TMEM131L: variants seen among roughly 807,000 people sequenced by gnomAD.
The protein encoded by TMEM131L is transmembrane protein 131-like.
TMEM131L carries 54 observed loss-of-function variants against 192.2 expected under a neutral mutation model. The observed-to-expected ratio is 0.28, with a 90% CI of 0.23 to 0.35. The LOEUF is 0.35. Among genes scored for constraint, TMEM131L ranks in the 10% least tolerant of loss-of-function variants. The pLI is 1.00. For synonymous variants in TMEM131L, 701 were observed against 704.9 expected, an observed-to-expected ratio of 0.99 and a Z score of 0.09; for missense variants, 1,888 against 1,972.9, an observed-to-expected ratio of 0.96 and a Z score of 0.82.
intron 18 of TMEM131L, 74 bp downstream of exon 18, chr4:153,592,658 C>G (rs1731158431): frequency 2.0e-6 from 2 of 1,006,602 alleles, no homozygotes; most frequent in African/African-American, 1.6e-5. Context: ...ATGTCCTACA[C>G]TTTTTCAACC....
intron 31 of TMEM131L, among the ~76,000 whole-genome samples, chr4:153,628,253 G>C (rs913200371): frequency 6.6e-6 from 1 of 152,238 alleles, no homozygotes; most frequent in Non-Finnish European, 1.5e-5. Flanking sequence ...TAGGTGCATG[G>C]AAGTAGGAAT....
intron 3 of TMEM131L, among the ~76,000 whole-genome samples, chr4:153,515,042 C>A (rs1423141589): frequency 6.6e-6 from 1 of 152,174 alleles, no homozygotes; most frequent in East Asian, 1.9e-4. Flanking sequence ...GAACTCCCGA[C>A]CTCAGGTGAT....
intron 25 of TMEM131L, among the ~76,000 whole-genome samples, chr4:153,608,687 C>G (rs988665201): frequency 6.6e-6 from 1 of 152,132 alleles, no homozygotes; most frequent in Non-Finnish European, 1.5e-5. Flanking sequence ...CAAAAATGTT[C>G]CTATTTACTT....
At chr4:153,524,290 C>G (rs986593220) in intron 3 of TMEM131L, among the ~76,000 whole-genome samples, 4 of 152,184 alleles carry the variant, frequency 2.6e-5, no homozygotes, top group African/African-American at 9.7e-5. Flanking sequence ...CTAGGTCTCT[C>G]AGCAGAAGGA....
intron 7 of TMEM131L, among the ~76,000 whole-genome samples, chr4:153,566,537 G>GTGTGTGTGTGTGTGTGTGTT (rs1162570246): frequency 6.6e-6 from 1 of 151,822 alleles, no homozygotes; most frequent in African/African-American, 2.4e-5. Flanking sequence ...GTGTGTGTGT[G>GTGTGTGTGTGTGTGTGTGTT]TGTGTGTGTG....
chr4:153,562,508 G>A (rs1728912821), intron 7 of TMEM131L, among the ~76,000 whole-genome samples: 1 of 152,186 alleles, frequency 6.6e-6, no homozygotes, highest in Non-Finnish European at 1.5e-5. Flanking sequence ...CTATAAAGTT[G>A]TCAACTGTTC....
chr4:153,621,136 AG>A (rs944720270), intron 27 of TMEM131L, among the ~76,000 whole-genome samples: 1 of 152,180 alleles, frequency 6.6e-6, no homozygotes, highest in Non-Finnish European at 1.5e-5. Flanking sequence ...GGTAGTTTTT[AG>A]GGGAAAAGCA....
At chr4:153,494,646 T>C (rs899980464) in intron 3 of TMEM131L, among the ~76,000 whole-genome samples, 13 of 152,208 alleles carry the variant, frequency 8.5e-5, no homozygotes, top group Non-Finnish European at 1.3e-4. Context: ...GGAAAGCCCC[T>C]TCTGCCAAAG....
chr4:153,578,169 G>A (rs544152985), intron 7 of TMEM131L, among the ~76,000 whole-genome samples: 10 of 152,250 alleles, frequency 6.6e-5, no homozygotes, highest in African/African-American at 1.4e-4. Flanking sequence ...GGATTTGGCC[G>A]TGTGAGGATC....
chr4:153,538,591 T>C (rs1400101378), intron 3 of TMEM131L, among the ~76,000 whole-genome samples: 1 of 152,212 alleles, frequency 6.6e-6, no homozygotes, highest in Admixed American at 6.5e-5. Flanking sequence ...CTGGCCGCCC[T>C]GAAAGGCTGG....
intron 3 of TMEM131L, among the ~76,000 whole-genome samples, chr4:153,508,316 G>T (rs1305428622): frequency 1.3e-5 from 2 of 152,176 alleles, no homozygotes; most frequent in Non-Finnish European, 2.9e-5. Flanking sequence ...TTGCTCTAAA[G>T]TTTGAGCCAG....
At chr4:153,610,836 C>A (rs980654322) in intron 25 of TMEM131L, among the ~76,000 whole-genome samples, 1 of 152,144 alleles carries the variant, frequency 6.6e-6, no homozygotes, top group Non-Finnish European at 1.5e-5. Context: ...GTCCATCCTA[C>A]CAGAGCCTGC....
chr4:153,477,033 CAG>C (rs980113250), intron 3 of TMEM131L, among the ~76,000 whole-genome samples: 3 of 152,070 alleles, frequency 2.0e-5, no homozygotes, highest in African/African-American at 7.2e-5. Flanking sequence ...ATGTTGATAT[CAG>C]GGTAGGGGGT....
chr4:153,601,440 T>C (rs926836587), intron 21 of TMEM131L, among the ~76,000 whole-genome samples: 18 of 152,160 alleles, frequency 1.2e-4, no homozygotes, highest in African/African-American at 4.3e-4. Context: ...GGTCAGAGGA[T>C]TGTTGGAGTC....
intron 2 of TMEM131L, among the ~76,000 whole-genome samples, chr4:153,469,426 T>C (rs1048889189): frequency 1.3e-5 from 2 of 152,222 alleles, no homozygotes; most frequent in Non-Finnish European, 2.9e-5. Flanking sequence ...CAAAGTATTT[T>C]GAATTTTTTC....
rs560421805 is a variant in TMEM131L, at chr4:153,558,446, T to C, written c.660+78T>C. The C allele has an allele frequency of 1.4e-3, 1,043 of 763,266 alleles. 2 individuals carry two copies. The highest frequency in any genetic ancestry group is 1.5e-3 in the Middle Eastern group (5 of 3,392). 47.3% of individuals were successfully genotyped at this position (763,266 alleles called of 1,614,324 possible). On this transcript the variant is annotated intron_variant, in intron 7 of 34. Coordinates refer to ENST00000409959, the MANE Select transcript of TMEM131L (RefSeq NM_001131007.2). ...TTCTCAGAATTGGTTATTTTACTATTTTCTGCTTTTTGAAAAAATTATATA... is the reference window on the plus strand; with the variant it reads ...TTCTCAGAATTGGTTATTTTACTATCTTCTGCTTTTTGAAAAAATTATATA...
intron 3 of TMEM131L, among the ~76,000 whole-genome samples, chr4:153,510,154 GAT>G (rs1491198130): frequency 6.6e-6 from 1 of 152,026 alleles, no homozygotes; most frequent in Admixed American, 6.5e-5. Context: ...TTTAAAAAAT[GAT>G]TTTTTTTTTG....
chr4:153,497,893 A>G (rs1733301099), intron 3 of TMEM131L, among the ~76,000 whole-genome samples: 1 of 151,348 alleles, frequency 6.6e-6, no homozygotes, highest in South Asian at 2.1e-4. Context: ...AAAAAAAAAA[A>G]AAAAAAGAAA....
intron 6 of TMEM131L, 24 bp from the exon 7 acceptor site, chr4:153,558,234 G>T (rs752361104): frequency 3.2e-6 from 4 of 1,268,516 alleles, no homozygotes; most frequent in Non-Finnish European, 4.6e-6. Context: ...TAACAGAGGA[G>T]CAATTCTCTC....
Sources: allele counts gnomAD v4.1 joint callset (sites outside exome capture counted in the v4.1 genomes callset), GRCh38; gene constraint gnomAD v4.1.1; transcripts MANE v1.5; gene names NCBI Gene and HGNC (gene_info 2026-07-23, HGNC 2026-07-21).